Variants in THSD7B observed in about 807,000 individuals in gnomAD.
THSD7B encodes the protein thrombospondin type 1 domain containing 7B.
In THSD7B, 138 loss-of-function variants were observed where a neutral mutation model predicts 213.6. The ratio of observed to expected loss-of-function variants is 0.65; its 90% CI spans 0.56 to 0.74. The LOEUF (loss-of-function observed/expected upper bound fraction) is 0.74. Ranked by LOEUF, THSD7B falls within the 30% of genes least tolerant of loss-of-function variation. The pLI is 0.00. For synonymous variants in THSD7B, 742 were observed against 687.0 expected (o/e 1.08, Z -1.25); for missense variants, 1,931 against 1,991.5 (o/e 0.97, Z 0.58).
At chr2:137,071,474 T>C (rs1473525697) in intron 3 of THSD7B, among the ~76,000 whole-genome samples, 3 of 152,158 alleles carry the variant, frequency 2.0e-5, no homozygotes, top group Non-Finnish European at 4.4e-5. Flanking sequence ...GTCAGATGAG[T>C]AGATTGCAAA....
intron 1 of THSD7B, among the ~76,000 whole-genome samples, chr2:136,848,027 A>G (rs1383833690): frequency 6.6e-6 from 1 of 152,160 alleles, no homozygotes; most frequent in East Asian, 1.9e-4. Flanking sequence ...AGATCATCAT[A>G]TGGAATCTGC....
intron 14 of THSD7B, among the ~76,000 whole-genome samples, chr2:137,423,041 G>A (rs1257179506): frequency 6.6e-6 from 1 of 151,668 alleles, no homozygotes; most frequent in African/African-American, 2.4e-5. Context: ...GAATAAAATG[G>A]GATATATTTT....
At chr2:137,301,162 A>C (rs1212332937) in intron 12 of THSD7B, among the ~76,000 whole-genome samples, 1 of 152,124 alleles carries the variant, frequency 6.6e-6, no homozygotes, top group Non-Finnish European at 1.5e-5. Flanking sequence ...TGGCCCGTTA[A>C]TGTTCACTAC....
chr2:136,947,007 C>G (rs1408358527), intron 2 of THSD7B, among the ~76,000 whole-genome samples: 3 of 152,176 alleles, frequency 2.0e-5, no homozygotes, highest in Non-Finnish European at 4.4e-5. Flanking sequence ...TCCAACCAGT[C>G]CCAGTGAGAT....
intron 3 of THSD7B, among the ~76,000 whole-genome samples, chr2:137,060,205 ATTGAG>A (rs1220754038): frequency 6.6e-6 from 1 of 152,014 alleles, no homozygotes; most frequent in Non-Finnish European, 1.5e-5. Flanking sequence ...CTATTTTTTA[ATTGAG>A]TTGTTTTCTT....
At chr2:136,983,143 A>G (rs1363789272) in intron 2 of THSD7B, among the ~76,000 whole-genome samples, 4 of 151,728 alleles carry the variant, frequency 2.6e-5, no homozygotes, top group African/African-American at 9.7e-5. Context: ...TTCTTGGTTT[A>G]TATGTAAATA....
At chr2:137,505,818 G>C (rs1197375272) in intron 15 of THSD7B, among the ~76,000 whole-genome samples, 1 of 152,206 alleles carries the variant, frequency 6.6e-6, no homozygotes, top group Non-Finnish European at 1.5e-5. Flanking sequence ...AGGAAGCAGA[G>C]GGAGTGCAGG....
intron 2 of THSD7B, among the ~76,000 whole-genome samples, chr2:136,987,042 A>C (rs1685685342): frequency 6.6e-6 from 1 of 152,240 alleles, no homozygotes; most frequent in Non-Finnish European, 1.5e-5. Flanking sequence ...CAGAACATGC[A>C]TGGTGTTATT....
chr2:137,029,471 T>C (rs953972758), intron 2 of THSD7B, among the ~76,000 whole-genome samples: 2 of 152,160 alleles, frequency 1.3e-5, no homozygotes, highest in African/African-American at 4.8e-5. Context: ...TTTTTTCACA[T>C]CTTAAAATTC....
Position 137,663,475 on chromosome 2 carries a change from T to TA in THSD7B, c.4557dup (p.Ala1520SerfsTer2), listed in dbSNP as rs757896998. On this transcript the variant is annotated frameshift_variant, in exon 26 of 28. Coordinates refer to ENST00000409968, the MANE Select transcript of THSD7B (RefSeq NM_001316349.2). LOFTEE classifies it high-confidence loss of function. ...GCATGAAAGTACCAGGCTCAGAGGA[T>TA]AAAAAAGCTGATGTGAAAAACCTTT... The TA allele has an allele frequency of 1.2e-6, 2 of 1,601,488 alleles. No individual in the cohort carries two copies. The highest frequency in any genetic ancestry group is 1.1e-5 in the South Asian group (1 of 88,544).
rs185104743 is a variant in THSD7B, at chr2:137,578,399, A to G, written c.3423+5843A>G. Among the ~76,000 whole-genome samples the G allele has an allele frequency of 3.0e-3, 456 of 152,362 alleles. 2 individuals carry two copies. Among genetic ancestry groups the G allele is most frequent in the Admixed American group, 7.3e-3 (111 of 15,298 alleles). On this transcript the variant is annotated intron_variant, in intron 17 of 27. Transcript: ENST00000409968. ...ACTTCTGAGAATCTGCAAGATGTAC[A>G]TATTCTAAAGCTCACATAGGTCTAG...
In THSD7B at chr2:137,115,236, C is replaced by A; in HGVS notation, c.1312C>A (p.Arg438=). ...GPVCGGGIQT[R]EVYCAQSVPA... is the part of the protein sequence containing the mutation. The stretch of plus-strand genomic sequence containing the variant: ...CGTGTGTGGCGGTGGGATCCAGACC[C>A]GGGAGGTGTACTGTGCCCAGAGCGT... Residue 438 remains arginine (R), a synonymous_variant, in exon 5 of 28, where the codon CGG becomes AGG. Coordinates refer to ENST00000409968, the MANE Select transcript of THSD7B (RefSeq NM_001316349.2). The A allele has an allele frequency of 2.5e-6, 4 of 1,613,180 alleles. No individual in the cohort carries two copies. In the Admixed American group the frequency reaches 5.0e-5, roughly 20 times the overall value.
intron 3 of THSD7B, among the ~76,000 whole-genome samples, chr2:137,083,754 G>A (rs1451117535): frequency 3.3e-5 from 5 of 151,878 alleles, no homozygotes; most frequent in Admixed American, 6.6e-5. Context: ...GCAAACGTTC[G>A]CTGAGTTAGA....
chr2:137,544,421 G>A (rs942980215), intron 15 of THSD7B, among the ~76,000 whole-genome samples: 3 of 151,792 alleles, frequency 2.0e-5, no homozygotes, highest in African/African-American at 4.8e-5. Context: ...AAGTAAACTA[G>A]TGGCTGGGTT....
intron 2 of THSD7B, among the ~76,000 whole-genome samples, chr2:137,052,176 G>A (rs62171225): frequency 0.094 from 14,249 of 152,188 alleles, 740 homozygotes; most frequent in East Asian, 0.17. Flanking sequence ...ATGTGTTAAT[G>A]TGTGATGTGG....
Position 136,934,692 on chromosome 2 carries a change from T to G in THSD7B, c.139+52375T>G, listed in dbSNP as rs115302990. Among the ~76,000 whole-genome samples, 1,071 of 152,220 alleles carry G rather than the reference T, an allele frequency of 7.0e-3. 12 individuals carry two copies. The highest frequency in any genetic ancestry group is 0.024 in the African/African-American group (1,006 of 41,558). On this transcript the variant is annotated intron_variant, in intron 2 of 27. Coordinates refer to ENST00000409968, the MANE Select transcript of THSD7B (RefSeq NM_001316349.2). ...AAATCATATATGCACTAGGGAAAAT[T>G]TATTACAAAAAGAAGAAATTATTGG...
chr2:137,258,879 CCT>C (rs1682372614), intron 10 of THSD7B, among the ~76,000 whole-genome samples: 1 of 151,970 alleles, frequency 6.6e-6, no homozygotes, highest in South Asian at 2.1e-4. Flanking sequence ...TGTTCCCTCC[CCT>C]GTGTCCATGT....
chr2:137,505,404 A>G (rs1679811225), intron 15 of THSD7B, among the ~76,000 whole-genome samples: 1 of 152,224 alleles, frequency 6.6e-6, no homozygotes, highest in South Asian at 2.1e-4. Flanking sequence ...AGGTTGGGTC[A>G]CAATGGTAGG....
intron 1 of THSD7B, among the ~76,000 whole-genome samples, chr2:136,791,801 A>G (rs552356836): frequency 6.6e-6 from 1 of 152,082 alleles, no homozygotes; most frequent in Non-Finnish European, 1.5e-5. Context: ...GTGAACATTT[A>G]TATGTTTCTG....
Sources: allele counts gnomAD v4.1 joint callset (sites outside exome capture counted in the v4.1 genomes callset), GRCh38; gene constraint gnomAD v4.1.1; transcripts MANE v1.5; gene names NCBI Gene and HGNC (gene_info 2026-07-23, HGNC 2026-07-21).